Variants in ABCE1 observed in about 807,000 individuals in gnomAD.
ABCE1 encodes the protein ATP-binding cassette sub-family E member 1.
In ABCE1, 22 loss-of-function variants were observed where a neutral mutation model predicts 83.4. The observed-to-expected ratio is 0.26, with a 90% CI of 0.19 to 0.38. ABCE1 has a LOEUF of 0.38. Among genes scored for constraint, ABCE1 ranks in the 10% least tolerant of loss-of-function variants. The pLI, the probability that ABCE1 is intolerant of heterozygous loss-of-function variation, is 1.00. For missense variants in ABCE1, 330 were observed against 721.9 expected, an observed-to-expected ratio of 0.46 and a Z score of 6.22; for synonymous variants, 204 against 233.7, an observed-to-expected ratio of 0.87 and a Z score of 1.16.
chr4:145,123,070 A>T lies in ABCE1; in HGVS notation c.1313A>T (p.His438Leu). 1.2e-6 allele frequency: 2 copies of T among 1,606,600 alleles called. No homozygotes were observed. Among genetic ancestry groups the T allele is most frequent in the South Asian group, 1.1e-5 (1 of 88,972 alleles). Residue 438 changes from histidine to leucine, a missense_variant, in exon 14 of 18, where the codon CAC becomes CTC. Transcript: ENST00000296577. ...GAAAAGATAAGAGATGCTTATACTC[A>T]CCCACAATTTGTGACCGATGTAATG... is the stretch of plus-strand genomic sequence containing the variant. ...LHEKIRDAYT[H>L]PQFVTDVMKP...
intron 16 of ABCE1, 161 bp downstream of exon 16, chr4:145,123,761 G>T: frequency 1.6e-6 from 1 of 610,198 alleles, no homozygotes. Context: ...GGGACCATGT[G>T]GAAGAGTAGT....
chr4:145,112,028 T>C lies in ABCE1; in HGVS notation c.711-211T>C, dbSNP rs572203859. Among the ~76,000 whole-genome samples the C allele has an allele frequency of 1.7e-3, 256 of 152,316 alleles. 1 individual carries two copies. The highest frequency in any genetic ancestry group is 3.3e-3 in the Non-Finnish European group (227 of 68,016). On this transcript the variant is annotated intron_variant, in intron 8 of 17. Coordinates refer to ENST00000296577, the MANE Select transcript of ABCE1 (RefSeq NM_002940.3). ...CCTGGTAGACCCTCACCAGACCTGGTGTGTAATCTTGCTTTCTGTAATTTT... is the reference window on the plus strand; with the variant it reads ...CCTGGTAGACCCTCACCAGACCTGGCGTGTAATCTTGCTTTCTGTAATTTT...
In ABCE1 at chr4:145,126,692, AT is replaced by A. The variant is rs1749898309; in HGVS notation, c.1753-833del. Among the ~76,000 whole-genome samples, 5 of 152,180 alleles carry A rather than the reference AT, an allele frequency of 3.3e-5. No individual in the cohort carries two copies. The South Asian group carries it at 1.0e-3, about 31-fold the overall frequency. On this transcript the variant is annotated intron_variant, in intron 17 of 17. Coordinates refer to ENST00000296577, the MANE Select transcript of ABCE1 (RefSeq NM_002940.3). ...TGCTTAAAAGCTTTAGAAGTATGTTATACATACTTCTGCTGTAGCATTTATT... is the reference window on the plus strand; with the variant it reads ...TGCTTAAAAGCTTTAGAAGTATGTTAACATACTTCTGCTGTAGCATTTATT...
intron 5 of ABCE1, 53 bp from the exon 6 acceptor site, chr4:145,110,050 T>C: frequency 7.0e-7 from 1 of 1,437,604 alleles, no homozygotes; most frequent in Non-Finnish European, 9.3e-7. Context: ...TTCATCCTCT[T>C]TGTCATTGTA....
In ABCE1 at chr4:145,104,407, C is replaced by A. The variant is rs2126699563; in HGVS notation, c.-6C>A. On this transcript the variant is annotated 5_prime_UTR_variant, in exon 2 of 18. Coordinates refer to ENST00000296577, the MANE Select transcript of ABCE1 (RefSeq NM_002940.3). ...ATAGAAGAGCTGGATATTCTTTCGCCCAGTTATGGCAGACAAGTTAACGAG... is the reference window on the plus strand; with the variant it reads ...ATAGAAGAGCTGGATATTCTTTCGCACAGTTATGGCAGACAAGTTAACGAG... 1.3e-6 allele frequency: 2 copies of A among 1,579,436 alleles called. No individual in the cohort carries two copies. The highest frequency in any genetic ancestry group is 1.7e-6 in the Non-Finnish European group (2 of 1,160,392).
intron 7 of ABCE1, 156 bp from the exon 8 acceptor site, chr4:145,110,809 ACAC>A (rs1749450382): frequency 3.4e-6 from 2 of 583,370 alleles, no homozygotes; most frequent in African/African-American, 1.9e-5. Flanking sequence ...TGATGAAAGT[ACAC>A]ATCTTTATGT....
At chr4:145,121,269 T>C in intron 12 of ABCE1, 36 bp downstream of exon 12, 1 of 1,611,730 alleles carries the variant, frequency 6.2e-7, no homozygotes, top group Non-Finnish European at 8.5e-7. Flanking sequence ...TTACTCTGTT[T>C]TACACAGTAA....
At chr4:145,110,293 AT>A (rs1749431340) in intron 6 of ABCE1, 53 bp downstream of exon 6, 1 of 1,598,450 alleles carries the variant, frequency 6.3e-7, no homozygotes, top group African/African-American at 1.4e-5. Context: ...TATAAAAGAT[AT>A]ATCAAAATAA....
chr4:145,119,370 T>G (rs561292235), intron 10 of ABCE1, among the ~76,000 whole-genome samples: 95 of 152,060 alleles, frequency 6.2e-4, no homozygotes, highest in African/African-American at 2.1e-3. Context: ...GTTATTAAAA[T>G]CTGTTTAGAT....
At chr4:145,113,940 G>A (rs1749547777) in intron 9 of ABCE1, among the ~76,000 whole-genome samples, 1 of 152,130 alleles carries the variant, frequency 6.6e-6, no homozygotes, top group Admixed American at 6.5e-5. Context: ...AGAATGTAAT[G>A]AGGAAACTAT....
Position 145,105,667 on chromosome 4 carries a change from A to G in ABCE1, c.166A>G (p.Ile56Val). Residue 56 changes from isoleucine (I) to valine (V), a missense_variant, in exon 3 of 18, where the codon ATT becomes GTT. Coordinates refer to ENST00000296577, the MANE Select transcript of ABCE1 (RefSeq NM_002940.3). ...AGCATGGATTTCCGAAACTCTTTGT[A>G]TTGGTTGTGGTATCTGTATTAAGGT... ...KIAWISETLC[I>V]GCGICIKKCP... 3.1e-6 allele frequency: 5 copies of G among 1,606,568 alleles called. No individual in the cohort carries two copies. Among genetic ancestry groups the G allele is most frequent in the Non-Finnish European group, 4.3e-6 (5 of 1,174,662 alleles).
intron 5 of ABCE1, among the ~76,000 whole-genome samples, 164 bp from the exon 6 acceptor site, chr4:145,109,939 T>C (rs1749419663): frequency 6.6e-6 from 1 of 152,208 alleles, no homozygotes; most frequent in African/African-American, 2.4e-5. Context: ...CTTTCTTTGC[T>C]GCTATAGGGA....
intron 2 of ABCE1, 67 bp from the exon 3 acceptor site, chr4:145,105,538 A>AT: frequency 8.5e-7 from 1 of 1,174,944 alleles, no homozygotes; most frequent in Non-Finnish European, 1.2e-6. Flanking sequence ...AGCATTGCCT[A>AT]AATAACAGTG....
chr4:145,124,595 C>T (rs112126262), intron 16 of ABCE1, among the ~76,000 whole-genome samples: 3 of 152,076 alleles, frequency 2.0e-5, no homozygotes, highest in East Asian at 1.9e-4. Flanking sequence ...GGACATATTC[C>T]CTCCAGTAAC....
chr4:145,119,852 T>C (rs536431424), intron 10 of ABCE1, 80 bp from the exon 11 acceptor site: 1 of 957,490 alleles, frequency 1.0e-6, no homozygotes, highest in East Asian at 2.6e-5. Flanking sequence ...TTAAAGTATA[T>C]AGTCTATAGA....
At chr4:145,118,511 C>A (rs1296032937) in intron 10 of ABCE1, among the ~76,000 whole-genome samples, 1 of 151,600 alleles carries the variant, frequency 6.6e-6, no homozygotes, top group African/African-American at 2.4e-5. Flanking sequence ...GGGATGACAT[C>A]AGAACAAATT....
chr4:145,101,433 T>C (rs1450459738), intron 1 of ABCE1, among the ~76,000 whole-genome samples: 1 of 152,194 alleles, frequency 6.6e-6, no homozygotes, highest in Non-Finnish European at 1.5e-5. Context: ...TTCAGGACTT[T>C]GGCATTTACT....
chr4:145,118,153 G>GAATTT (rs1749653026), intron 10 of ABCE1, among the ~76,000 whole-genome samples: 3 of 151,290 alleles, frequency 2.0e-5, no homozygotes, highest in Middle Eastern at 3.4e-3. Context: ...ACACTAAAAG[G>GAATTT]GCTGTTTACT....
chr4:145,125,710 CAAAG>C (rs1189650285), intron 17 of ABCE1, among the ~76,000 whole-genome samples: 1 of 152,056 alleles, frequency 6.6e-6, no homozygotes, highest in African/African-American at 2.4e-5. Context: ...ACCATTGTAA[CAAAG>C]AATTTTTTAA....
Sources: allele counts gnomAD v4.1 joint callset (sites outside exome capture counted in the v4.1 genomes callset), GRCh38; gene constraint gnomAD v4.1.1; transcripts MANE v1.5; gene names NCBI Gene and HGNC (gene_info 2026-07-23, HGNC 2026-07-21).